The following FILIP1 variants were observed in gnomAD, a reference collection of about 807,000 sequenced individuals.
The protein encoded by FILIP1 is filamin A interacting protein 1.
A neutral mutation model predicts 102.1 loss-of-function variants in FILIP1; 61 were observed. The observed-to-expected ratio is 0.60, with a 90% CI of 0.49 to 0.74. The LOEUF (loss-of-function observed/expected upper bound fraction) is 0.74. FILIP1 is among the 30% of genes least tolerant of loss of function. The pLI is 0.00. For missense variants in FILIP1, 1,314 were observed against 1,441.2 expected (o/e 0.91, Z 1.43); for synonymous variants, 491 against 526.9 (o/e 0.93, Z 0.93).
intron 1 of FILIP1, among the ~76,000 whole-genome samples, chr6:75,439,618 T>C (rs1002437883): frequency 1.3e-5 from 2 of 152,226 alleles, no homozygotes; most frequent in Non-Finnish European, 2.9e-5. Flanking sequence ...GGTAAATAAG[T>C]AGATGATCAA....
At chr6:75,346,674 T>C (rs1774597229) in intron 4 of FILIP1, among the ~76,000 whole-genome samples, 1 of 152,278 alleles carries the variant, frequency 6.6e-6, no homozygotes, top group African/African-American at 2.4e-5. Context: ...GCTTGGTCCC[T>C]TCAAGTAAGA....
At chr6:75,472,022 G>A (rs573370909) in intron 1 of FILIP1, among the ~76,000 whole-genome samples, 2 of 152,146 alleles carry the variant, frequency 1.3e-5, no homozygotes, top group Admixed American at 6.5e-5. Context: ...TATTACTAAC[G>A]TAATTTAAAT....
intron 1 of FILIP1, among the ~76,000 whole-genome samples, chr6:75,479,868 CAAAAAAAAAAAAAAA>C (rs58566488): frequency 1.2e-4 from 5 of 42,868 alleles, no homozygotes; most frequent in African/African-American, 3.9e-4. Context: ...AGCTGTATCT[CAAAAAAAAAAAAAAA>C]AAAAAAAAAA....
At chr6:75,451,694 G>A (rs955960091) in intron 1 of FILIP1, among the ~76,000 whole-genome samples, 1 of 151,994 alleles carries the variant, frequency 6.6e-6, no homozygotes, top group South Asian at 2.1e-4. Flanking sequence ...AGCCAGATGT[G>A]GTGGTGTGCA....
exon 7 of FILIP1, chr6:75,295,296 G>T (rs1301348947): frequency 1.3e-5 from 2 of 152,092 alleles, no homozygotes; most frequent in Admixed American, 1.3e-4. Flanking sequence ...CTGATTTTTA[G>T]TATTTAAAAT....
chr6:75,471,568 T>C (rs1415825571), intron 1 of FILIP1, among the ~76,000 whole-genome samples: 1 of 152,214 alleles, frequency 6.6e-6, no homozygotes, highest in Admixed American at 6.5e-5. Flanking sequence ...CTACTGTTAG[T>C]ATCTACCTCA....
intron 1 of FILIP1, among the ~76,000 whole-genome samples, chr6:75,468,463 G>T (rs562371881): frequency 6.6e-6 from 1 of 152,126 alleles, no homozygotes; most frequent in African/African-American, 2.4e-5. Context: ...GAAAGTACAC[G>T]TATTGAAATA....
intron 6 of FILIP1, chr6:75,296,530 C>T (rs1252504238): frequency 6.9e-6 from 1 of 143,974 alleles, no homozygotes; most frequent in African/African-American, 2.6e-5. Context: ...GGTGGAGTCT[C>T]GCTCTGTCGC....
chr6:75,365,518 C>G (rs1186582824), intron 2 of FILIP1, among the ~76,000 whole-genome samples: 1 of 152,206 alleles, frequency 6.6e-6, no homozygotes, highest in Admixed American at 6.5e-5. Flanking sequence ...TCCTGAGTAG[C>G]TGGGACTACA....
intron 4 of FILIP1, among the ~76,000 whole-genome samples, chr6:75,353,202 TAATAAAAAATA>T (rs904485169): frequency 8.6e-5 from 13 of 151,564 alleles, no homozygotes; most frequent in Non-Finnish European, 1.5e-4. Flanking sequence ...ACTTAAAGTA[TAATAAAAAATA>T]AATAAAAAAT....
chr6:75,324,645 G>T (rs893939457), intron 4 of FILIP1, among the ~76,000 whole-genome samples: 2 of 152,006 alleles, frequency 1.3e-5, no homozygotes. Flanking sequence ...AACACTAAGC[G>T]AAAAAACAAA....
At chr6:75,421,801 A>G (rs1237431938) in intron 1 of FILIP1, among the ~76,000 whole-genome samples, 1 of 152,160 alleles carries the variant, frequency 6.6e-6, no homozygotes, top group African/African-American at 2.4e-5. Context: ...TCTTCCTAAA[A>G]TAACTAGCAT....
chr6:75,464,982 C>A (rs1779122314), intron 1 of FILIP1: 1 of 153,532 alleles, frequency 6.5e-6, no homozygotes, highest in African/African-American at 2.4e-5. Context: ...CACCCTGGAC[C>A]TAGCCACCAT....
intron 4 of FILIP1, among the ~76,000 whole-genome samples, chr6:75,346,494 TA>T (rs1347447635): frequency 6.6e-6 from 1 of 152,196 alleles, no homozygotes; most frequent in Admixed American, 6.5e-5. Context: ...AGGGCATTTT[TA>T]ATGGTCTCCT....
intron 4 of FILIP1, among the ~76,000 whole-genome samples, chr6:75,337,415 A>G (rs1562475428): frequency 6.6e-6 from 1 of 152,206 alleles, no homozygotes; most frequent in African/African-American, 2.4e-5. Flanking sequence ...TAAGGAAAAG[A>G]GATGTAAAGA....
chr6:75,332,232 G>A (rs1322343929), intron 4 of FILIP1, among the ~76,000 whole-genome samples: 1 of 152,136 alleles, frequency 6.6e-6, no homozygotes, highest in Non-Finnish European at 1.5e-5. Flanking sequence ...CCCCAAAGAG[G>A]ACAACAATAT....
rs910634974 is a variant in FILIP1, at chr6:75,313,479, C to A, written c.2353G>T (p.Ala785Ser). The A allele has an allele frequency of 1.2e-6, 2 of 1,614,224 alleles. No individual in the cohort carries two copies. The highest frequency in any genetic ancestry group is 1.7e-6 in the Non-Finnish European group (2 of 1,180,042). ...ELELSKRYSRALRPSVNGRRM... is the reference protein window; with the variant it reads ...ELELSKRYSRSLRPSVNGRRM... ...CTTCCATTCACACTGGGCCTAAGAG[C>A]TCTGCTGTAGCGCTTGGAAAGCTCC... The change falls in exon 5 of 6, where the codon GCT becomes TCT. Residue 785 changes from alanine (A) to serine (S), a missense_variant. Coordinates refer to ENST00000237172, the MANE Select transcript of FILIP1 (RefSeq NM_015687.5). This position sits in a 1 kb window ranked among gnomAD's most constrained non-coding sequence, Gnocchi z 4.2.
intron 1 of FILIP1, among the ~76,000 whole-genome samples, chr6:75,430,961 G>A (rs1022237836): frequency 6.6e-6 from 1 of 152,138 alleles, no homozygotes; most frequent in African/African-American, 2.4e-5. Context: ...CAAAATGGAG[G>A]ACAAGTGCAG....
intron 1 of FILIP1, among the ~76,000 whole-genome samples, chr6:75,431,077 T>TC (rs1289784097): frequency 1.3e-5 from 2 of 152,196 alleles, no homozygotes; most frequent in African/African-American, 4.8e-5. Context: ...CTTCAGTTTG[T>TC]CCTTCATACG....
Sources: allele counts gnomAD v4.1 joint callset (sites outside exome capture counted in the v4.1 genomes callset), GRCh38; gene constraint gnomAD v4.1.1; non-coding constraint Gnocchi (gnomAD v3.1); transcripts MANE v1.5; gene names NCBI Gene and HGNC (gene_info 2026-07-23, HGNC 2026-07-21).